GALNT17: variants seen among roughly 807,000 people sequenced by gnomAD.
The protein encoded by GALNT17 is polypeptide N-acetylgalactosaminyltransferase 17.
Under a neutral mutation model 63.7 loss-of-function variants are expected in GALNT17, and 29 were observed. That is an observed-to-expected ratio of 0.46 (90% CI 0.34 to 0.62). The LOEUF is 0.62. Ranked by LOEUF, GALNT17 falls within the 20% of genes least tolerant of loss-of-function variation. The pLI is 0.01. For synonymous variants in GALNT17, 305 were observed against 318.3 expected, an observed-to-expected ratio of 0.96 and a Z score of 0.45; for missense variants, 603 against 799.6, an observed-to-expected ratio of 0.75 and a Z score of 2.97.
At chr7:71,255,082 T>G (rs1001087369) in intron 1 of GALNT17, among the ~76,000 whole-genome samples, 2 of 152,210 alleles carry the variant, frequency 1.3e-5, no homozygotes, top group African/African-American at 4.8e-5. Context: ...TGGATTCCTA[T>G]CTATTTTCAC....
At chr7:71,168,343 A>T (rs1429975648) in intron 1 of GALNT17, among the ~76,000 whole-genome samples, 1 of 151,978 alleles carries the variant, frequency 6.6e-6, no homozygotes, top group Non-Finnish European at 1.5e-5. Context: ...GGAGGCCGAG[A>T]TGGGTGGATC....
chr7:71,404,397 C>T (rs1477545633), intron 3 of GALNT17, among the ~76,000 whole-genome samples: 3 of 152,174 alleles, frequency 2.0e-5, no homozygotes. Flanking sequence ...GAATCGCCCT[C>T]AAAATGCTTT....
At chr7:71,289,331 A>C (rs1790935290) in intron 1 of GALNT17, among the ~76,000 whole-genome samples, 1 of 151,910 alleles carries the variant, frequency 6.6e-6, no homozygotes, top group Non-Finnish European at 1.5e-5. Flanking sequence ...CATTTACTGG[A>C]TCATACACGT....
intron 1 of GALNT17, among the ~76,000 whole-genome samples, chr7:71,270,538 CAAAAAAAAAA>C (rs573250852): frequency 1.1e-5 from 1 of 89,206 alleles, no homozygotes; most frequent in African/African-American, 4.6e-5. Context: ...CCCACCCCAC[CAAAAAAAAAA>C]AAAAAAAAAA....
intron 1 of GALNT17, among the ~76,000 whole-genome samples, chr7:71,278,273 T>C (rs932757600): frequency 1.3e-5 from 2 of 152,184 alleles, no homozygotes; most frequent in Admixed American, 1.3e-4. Flanking sequence ...CCTGCAACCT[T>C]GTATTAATTT....
chr7:71,276,167 G>C (rs937954636), intron 1 of GALNT17, among the ~76,000 whole-genome samples: 6 of 152,130 alleles, frequency 3.9e-5, no homozygotes, highest in Non-Finnish European at 7.3e-5. Flanking sequence ...CATGTGATGG[G>C]TGCCCCTGTA....
chr7:71,355,814 T>TG (rs1401820912), intron 2 of GALNT17, among the ~76,000 whole-genome samples: 1 of 151,578 alleles, frequency 6.6e-6, no homozygotes, highest in Non-Finnish European at 1.5e-5. Flanking sequence ...ATTACAGGTG[T>TG]GAGCCACCAT....
At chr7:71,415,796 G>C in intron 3 of GALNT17, 93 bp from the exon 4 acceptor site, 1 of 1,346,018 alleles carries the variant, frequency 7.4e-7, no homozygotes. Context: ...TGAGATCTTT[G>C]AACTCCCTGA....
intron 9 of GALNT17, among the ~76,000 whole-genome samples, chr7:71,698,597 T>C (rs749465334): frequency 8.1e-5 from 12 of 149,050 alleles, no homozygotes; most frequent in Admixed American, 1.4e-4. Context: ...AGAAATGGAG[T>C]GTGATTTTTA....
chr7:71,412,793 A>G (rs1563073971), intron 3 of GALNT17, among the ~76,000 whole-genome samples: 1 of 152,178 alleles, frequency 6.6e-6, no homozygotes, highest in Non-Finnish European at 1.5e-5. Flanking sequence ...CTGTAATCCT[A>G]GCACTTTAAG....
intron 1 of GALNT17, among the ~76,000 whole-genome samples, chr7:71,221,501 C>G (rs969872525): frequency 2.6e-5 from 4 of 151,474 alleles, no homozygotes; most frequent in African/African-American, 9.7e-5. Context: ...TGGAATTCCA[C>G]TCGGCTGACT....
intron 1 of GALNT17, among the ~76,000 whole-genome samples, chr7:71,172,242 G>A (rs1347202041): frequency 6.6e-6 from 1 of 152,048 alleles, no homozygotes; most frequent in Non-Finnish European, 1.5e-5. Context: ...AAGGTGGGAG[G>A]ATTGCTTGAG....
At chr7:71,547,220 A>C (rs1412435625) in intron 5 of GALNT17, among the ~76,000 whole-genome samples, 2 of 151,918 alleles carry the variant, frequency 1.3e-5, no homozygotes, top group Non-Finnish European at 2.9e-5. Context: ...GCTGGAGTGC[A>C]GTGGCGCGAT....
At chr7:71,493,068 CAGCTCATGCA>C (rs1788036668) in intron 5 of GALNT17, among the ~76,000 whole-genome samples, 3 of 152,220 alleles carry the variant, frequency 2.0e-5, no homozygotes, top group Non-Finnish European at 4.4e-5. Flanking sequence ...ATGTATGCTA[CAGCTCATGCA>C]TAAATTCAGA....
intron 1 of GALNT17, among the ~76,000 whole-genome samples, chr7:71,269,718 A>G (rs1202634): frequency 0.014 from 2,142 of 152,224 alleles, 55 homozygotes; most frequent in African/African-American, 0.049. Context: ...CCTAAAATTG[A>G]GTTGTAGTTT....
At chr7:71,430,755 A>G (rs1786846916) in intron 5 of GALNT17, among the ~76,000 whole-genome samples, 2 of 152,334 alleles carry the variant, frequency 1.3e-5, no homozygotes, top group Admixed American at 1.3e-4. Flanking sequence ...TTCTGTGCAC[A>G]GATATGTACA....
intron 5 of GALNT17, among the ~76,000 whole-genome samples, chr7:71,562,780 C>T (rs1233049765): frequency 6.6e-6 from 1 of 152,092 alleles, no homozygotes; most frequent in Admixed American, 6.6e-5. Flanking sequence ...GTTGAGGACC[C>T]CTGGTATAGA....
chr7:71,596,061 T>C (rs2116925883), intron 6 of GALNT17, among the ~76,000 whole-genome samples: 1 of 152,294 alleles, frequency 6.6e-6, no homozygotes, highest in Middle Eastern at 3.4e-3. Flanking sequence ...TTGTTTGAGA[T>C]GGAGTCACAC....
rs766864439 is a variant in GALNT17 at position 71,132,649 on chromosome 7, T to C, written c.-154T>C. 2 of 629,286 alleles carry C rather than the reference T, an allele frequency of 3.2e-6. No individual in the cohort carries two copies. The highest frequency in any genetic ancestry group is 5.4e-6 in the Non-Finnish European group (2 of 373,170). 39.0% of individuals were successfully genotyped at this position (629,286 alleles called of 1,614,324 possible). The stretch of plus-strand genomic sequence containing the variant: ...CCACCAATCCGACCTCCCAGCCGTC[T>C]CCGCCGCCCGAGCATCCTTGAGGTG... On this transcript the variant is annotated 5_prime_UTR_variant, in exon 1 of 11. Transcript: ENST00000333538.
Sources: gnomAD v4.1 joint callset for allele counts (sites outside exome capture counted in the v4.1 genomes callset) on GRCh38, gnomAD v4.1.1 for gene constraint, MANE v1.5 for transcripts, NCBI Gene and HGNC (gene_info 2026-07-23, HGNC 2026-07-21) for gene names.